TMEM170B: variants seen among roughly 807,000 people sequenced by gnomAD.
TMEM170B encodes the protein transmembrane protein 170B.
Under a neutral mutation model 13.0 loss-of-function variants are expected in TMEM170B, and 6 were observed. That is an observed-to-expected ratio of 0.46 (90% CI 0.25 to 0.91). TMEM170B has a LOEUF of 0.91. Ranked by LOEUF, TMEM170B falls within the 40% of genes least tolerant of loss-of-function variation. The pLI, the probability that TMEM170B is intolerant of heterozygous loss-of-function variation, is 0.17. For synonymous variants in TMEM170B, 61 were observed against 64.9 expected (o/e 0.94, Z 0.29); for missense variants, 138 against 165.2 (o/e 0.84, Z 0.90).
rs899708418 is a variant in TMEM170B at position 11,566,913 on chromosome 6, T to C, written c.268+1077T>C. ...TGCCCCCAAAGGTCATACTCCACCA[T>C]TTTGTTTTAATGCACATGCTTGAGC... is the stretch of plus-strand genomic sequence containing the variant. On this transcript the variant is annotated intron_variant, in intron 2 of 2. Transcript: ENST00000379426. 2.0e-5 allele frequency among the ~76,000 whole-genome samples: 3 copies of C among 152,260 alleles called. No individual in the cohort carries two copies. In the East Asian group the frequency reaches 5.8e-4, roughly 29 times the overall value.
In TMEM170B at chr6:11,576,325, T is replaced by G. The variant is rs937240843; in HGVS notation, c.*764T>G. 1 of 152,154 alleles carries G rather than the reference T, an allele frequency of 6.6e-6. No homozygotes were observed. The highest frequency in any genetic ancestry group is 6.5e-5 in the Admixed American group (1 of 15,270). The allele number at this position is 152,154 out of a possible 1,614,324, so 9.4% of individuals were successfully genotyped here. ...TATACAAATTCAGAAACTTGAAGGG[T>G]CATACACATTGATTGTAGTTTGTGC... On this transcript the variant is annotated 3_prime_UTR_variant, in exon 3 of 3. Coordinates refer to ENST00000379426, the MANE Select transcript of TMEM170B (RefSeq NM_001100829.3).
At position 11,581,243 on chromosome 6, in the gene TMEM170B, C is replaced by T. The variant is rs202149625; in HGVS notation, c.*5682C>T. On this transcript the variant is annotated 3_prime_UTR_variant, in exon 3 of 3. Transcript: ENST00000379426. ...AATAACTCTTCCCTGATTTTGAGAACGAATTTAGCAATTTCCTAAAAATCT... is the reference window on the plus strand; with the variant it reads ...AATAACTCTTCCCTGATTTTGAGAATGAATTTAGCAATTTCCTAAAAATCT... The T allele has an allele frequency of 2.6e-4, 39 of 152,280 alleles. No individual in the cohort carries two copies. The East Asian group carries it at 5.8e-3, about 23-fold the overall frequency. The allele number at this position is 152,280 out of a possible 1,614,324, so 9.4% of individuals were successfully genotyped here. A position where few individuals can be genotyped will look rare whatever the true frequency, so the allele number is the denominator to read the frequency against.
rs144568924 is a variant in TMEM170B, at chr6:11,542,444, T to C, written c.97+4070T>C. ...GATCTTAATACTTGCCAGTTGCTCA[T>C]TGGACCTTGCCATTTCATAAAGGAT... On this transcript the variant is annotated intron_variant, in intron 1 of 2. Transcript: ENST00000379426. Among the ~76,000 whole-genome samples the C allele has an allele frequency of 3.4e-3, 518 of 152,298 alleles. 3 individuals carry two copies. Among genetic ancestry groups the C allele is most frequent in the East Asian group, 0.026 (133 of 5,186 alleles).
At chr6:11,543,320 G>C (rs1257053639) in intron 1 of TMEM170B, among the ~76,000 whole-genome samples, 1 of 152,100 alleles carries the variant, frequency 6.6e-6, no homozygotes, top group Non-Finnish European at 1.5e-5. Context: ...ATATTGCATT[G>C]TTTCTCATCT....
intron 1 of TMEM170B, among the ~76,000 whole-genome samples, chr6:11,539,246 A>G (rs1264553524): frequency 6.6e-6 from 1 of 152,228 alleles, no homozygotes; most frequent in Non-Finnish European, 1.5e-5. Flanking sequence ...AATTTACGAG[A>G]AAGAGATTCA....
chr6:11,575,697 G>A lies in TMEM170B; in HGVS notation c.*136G>A. On this transcript the variant is annotated 3_prime_UTR_variant, in exon 3 of 3. Transcript: ENST00000379426. The surrounding 1 kb of genome is among the most constrained non-coding windows in gnomAD (Gnocchi z 4.1). ...GGTCAAAGCATAAGGAAGACCTTGA[G>A]CTGTGTGGAAGGATTGCCCTCTGGT... 9.2e-7 allele frequency: 1 copy of A among 1,091,028 alleles called. No individual in the cohort carries two copies. 67.6% of individuals were successfully genotyped at this position (1,091,028 alleles called of 1,614,324 possible).
At chr6:11,565,376 G>A (rs1452012474) in intron 1 of TMEM170B, among the ~76,000 whole-genome samples, 4 of 152,084 alleles carry the variant, frequency 2.6e-5, no homozygotes, top group Non-Finnish European at 5.9e-5. Context: ...TATATCAGGG[G>A]TTTAATATAA....
intron 1 of TMEM170B, among the ~76,000 whole-genome samples, chr6:11,564,863 G>T (rs1354416472): frequency 1.3e-5 from 2 of 152,184 alleles, no homozygotes; most frequent in Non-Finnish European, 2.9e-5. Flanking sequence ...GGAACGATTG[G>T]CCCAGCTTGG....
At position 11,565,683 on chromosome 6, in the gene TMEM170B, T is replaced by G; in HGVS notation, c.115T>G (p.Phe39Val). The change falls in exon 2 of 3, where the codon TTC (phenylalanine) becomes GTC (valine). Residue 39 changes from phenylalanine to valine, a missense_variant. Transcript: ENST00000379426. ...CCTTTCAGAGATGTGGTACTGGATC[T>G]TCCTCTGGGCTCTCTTCTCTTCTCT... ...RNLTEMWYWI[F>V]LWALFSSLFV... The G allele has an allele frequency of 6.2e-7, 1 of 1,614,170 alleles. No individual in the cohort carries two copies. Among genetic ancestry groups the G allele is most frequent in the Non-Finnish European group, 8.5e-7 (1 of 1,179,986 alleles).
At chr6:11,544,449 G>C (rs1245455192) in intron 1 of TMEM170B, among the ~76,000 whole-genome samples, 1 of 152,202 alleles carries the variant, frequency 6.6e-6, no homozygotes, top group Non-Finnish European at 1.5e-5. Flanking sequence ...CAGTGAGCCT[G>C]AAGATGTATG....
At chr6:11,551,447 G>A (rs1759524246) in intron 1 of TMEM170B, among the ~76,000 whole-genome samples, 1 of 152,184 alleles carries the variant, frequency 6.6e-6, no homozygotes, top group African/African-American at 2.4e-5. Context: ...GGGGAGAAAG[G>A]AATGAGGCTA....
intron 1 of TMEM170B, among the ~76,000 whole-genome samples, chr6:11,550,279 T>C (rs1284848919): frequency 6.6e-6 from 1 of 152,066 alleles, no homozygotes; most frequent in Non-Finnish European, 1.5e-5. Flanking sequence ...TTCAAGCGAT[T>C]CTCTTGCTTC....
rs1305134947 is a variant in TMEM170B, at chr6:11,579,632, C to T, written c.*4071C>T. 1 of 152,078 alleles carries T rather than the reference C, an allele frequency of 6.6e-6. No individual in the cohort carries two copies. The highest frequency in any genetic ancestry group is 1.5e-5 in the Non-Finnish European group (1 of 68,018). 9.4% of individuals were successfully genotyped at this position (152,078 alleles called of 1,614,324 possible). On this transcript the variant is annotated 3_prime_UTR_variant, in exon 3 of 3. Coordinates refer to ENST00000379426, the MANE Select transcript of TMEM170B (RefSeq NM_001100829.3). ...TTTAAAATCAGCAGATCTTTAAGAA[C>T]CTTTTGTGAATTGGTGGTGGTGGAA...
chr6:11,569,566 G>A (rs1582146286), intron 2 of TMEM170B, among the ~76,000 whole-genome samples: 3 of 152,166 alleles, frequency 2.0e-5, no homozygotes, highest in African/African-American at 4.8e-5. Flanking sequence ...TAGTGCAAAA[G>A]CAGCCATAGA....
intron 1 of TMEM170B, among the ~76,000 whole-genome samples, chr6:11,552,917 G>C (rs1188262690): frequency 6.6e-6 from 1 of 152,170 alleles, no homozygotes; most frequent in Non-Finnish European, 1.5e-5. Context: ...CAGAGTTGTG[G>C]TCTGGGTTGT....
intron 1 of TMEM170B, among the ~76,000 whole-genome samples, chr6:11,546,131 G>T (rs553940199): frequency 1.4e-3 from 206 of 151,186 alleles, no homozygotes; most frequent in African/African-American, 4.8e-3. Flanking sequence ...GCCTGTCATT[G>T]CCCCTGAAGA....
intron 1 of TMEM170B, among the ~76,000 whole-genome samples, chr6:11,545,095 C>T (rs565419410): frequency 5.3e-5 from 8 of 151,874 alleles, no homozygotes; most frequent in African/African-American, 1.9e-4. Flanking sequence ...AAATGCAAAA[C>T]TTGGCTGGTG....
rs1759955524 is a variant in TMEM170B at position 11,581,461 on chromosome 6, T to C, written c.*5900T>C. On this transcript the variant is annotated 3_prime_UTR_variant, in exon 3 of 3. Transcript: ENST00000379426. The stretch of plus-strand genomic sequence containing the variant: ...CCTCATACATACATTTTTACGATTA[T>C]GTACTGCACCCACATGTATCTACTC... 6.6e-6 allele frequency: 1 copy of C among 152,234 alleles called. No individual in the cohort carries two copies. Among genetic ancestry groups the C allele is most frequent in the South Asian group, 2.1e-4 (1 of 4,836 alleles). 9.4% of individuals were successfully genotyped at this position (152,234 alleles called of 1,614,324 possible). A position where few individuals can be genotyped will look rare whatever the true frequency, so the allele number is the denominator to read the frequency against.
intron 2 of TMEM170B, among the ~76,000 whole-genome samples, chr6:11,568,141 G>A (rs1007926674): frequency 1.2e-4 from 19 of 152,126 alleles, no homozygotes; most frequent in Non-Finnish European, 2.6e-4. Context: ...AGGGGATAGG[G>A]AGAGAGAATA....
Sources: gnomAD v4.1 joint callset for allele counts (sites outside exome capture counted in the v4.1 genomes callset) on GRCh38, gnomAD v4.1.1 for gene constraint, Gnocchi (gnomAD v3.1) non-coding constraint, MANE v1.5 for transcripts, NCBI Gene and HGNC (gene_info 2026-07-23, HGNC 2026-07-21) for gene names.